ITGB1BP1: variants seen among roughly 807,000 people sequenced by gnomAD.
ITGB1BP1 encodes the protein integrin beta-1-binding protein 1.
Under a neutral mutation model 28.0 loss-of-function variants are expected in ITGB1BP1, and 20 were observed. The observed-to-expected ratio is 0.71, with a 90% CI of 0.50 to 1.04. ITGB1BP1 has a LOEUF of 1.04. ITGB1BP1 is among the 50% of genes least tolerant of loss of function. ITGB1BP1 has a pLI of 0.00. For missense variants in ITGB1BP1, 228 were observed against 242.5 expected (o/e 0.94, Z 0.40); for synonymous variants, 103 against 89.5 (o/e 1.15, Z -0.85).
Position 9,407,341 on chromosome 2 carries a change from A to G in ITGB1BP1, c.531+108T>C, listed in dbSNP as rs1349661198. The G allele has an allele frequency of 3.9e-6, 5 of 1,266,792 alleles. No individual in the cohort carries two copies. In the African/African-American group the frequency reaches 4.4e-5, roughly 11 times the overall value. 78.5% of individuals were successfully genotyped at this position (1,266,792 alleles called of 1,614,324 possible). A position where few individuals can be genotyped will look rare whatever the true frequency, so the allele number is the denominator to read the frequency against. ...AATATTCATTCACTATCCCCAGGCC[A>G]AGATATTCCATATATAATGGATTGT... is the stretch of plus-strand genomic sequence containing the variant. On this transcript the variant is annotated intron_variant, in intron 6 of 6. Coordinates refer to ENST00000355346, the MANE Select transcript of ITGB1BP1 (RefSeq NM_004763.5).
chr2:9,421,307 A>G (rs1679810655), intron 1 of ITGB1BP1, among the ~76,000 whole-genome samples: 1 of 152,198 alleles, frequency 6.6e-6, no homozygotes, highest in Admixed American at 6.5e-5. Context: ...TCTTTTCATC[A>G]TCAACCCAGC....
At chr2:9,406,971 A>G (rs1403814238) in intron 6 of ITGB1BP1, 66 bp from the exon 7 acceptor site, 2 of 1,230,420 alleles carry the variant, frequency 1.6e-6, no homozygotes, top group Non-Finnish European at 2.4e-6. Context: ...TAATTTGGCT[A>G]GCAGAGGCAC....
chr2:9,407,678 A>G (rs951420490), intron 5 of ITGB1BP1, 80 bp from the exon 6 acceptor site: 20 of 1,516,454 alleles, frequency 1.3e-5, no homozygotes, highest in Admixed American at 3.5e-5. Flanking sequence ...TCCCAGGCAG[A>G]GTGAGGCTTG....
At chr2:9,411,914 C>T (rs1558427472) in intron 4 of ITGB1BP1, among the ~76,000 whole-genome samples, 3 of 151,286 alleles carry the variant, frequency 2.0e-5, no homozygotes, top group Admixed American at 6.6e-5. Flanking sequence ...TGGTGGCGGG[C>T]GCCTGTAATC....
chr2:9,419,577 CTG>C lies in ITGB1BP1; in HGVS notation c.-35-847_-35-846del, dbSNP rs1679542719. 3.3e-5 allele frequency among the ~76,000 whole-genome samples: 5 copies of C among 152,292 alleles called. No individual in the cohort carries two copies. In the East Asian group the frequency reaches 9.6e-4, roughly 29 times the overall value. On this transcript the variant is annotated intron_variant, in intron 1 of 6. Coordinates refer to ENST00000355346, the MANE Select transcript of ITGB1BP1 (RefSeq NM_004763.5). The stretch of plus-strand genomic sequence containing the variant: ...AGGAGATGACCTTGCCTCCCAGAGT[CTG>C]TGTTACATATTTCTTTTTTTGAAAT...
In ITGB1BP1 at chr2:9,415,106, T is replaced by C. The variant is rs1340306241; in HGVS notation, c.73-850A>G. On this transcript the variant is annotated intron_variant, in intron 2 of 6. Coordinates refer to ENST00000355346, the MANE Select transcript of ITGB1BP1 (RefSeq NM_004763.5). The surrounding 1 kb of genome is among the most constrained non-coding windows in gnomAD (Gnocchi z 4.1). ...TTAAAAAAAAAAATATGGCTGGGTG[T>C]GGTGGCTCACGCCTGTAATCCCAGC... 1.3e-5 allele frequency among the ~76,000 whole-genome samples: 2 copies of C among 150,322 alleles called. No individual in the cohort carries two copies. Among genetic ancestry groups the C allele is most frequent in the Non-Finnish European group, 3.0e-5 (2 of 67,644 alleles).
intron 1 of ITGB1BP1, chr2:9,422,932 C>T: frequency 4.1e-6 from 4 of 986,050 alleles, no homozygotes; most frequent in Non-Finnish European, 4.8e-6. Context: ...GAGCCGGCTC[C>T]GAAGTTCCTC....
At chr2:9,418,558 A>T in intron 2 of ITGB1BP1, 68 bp downstream of exon 2, 1 of 1,061,074 alleles carries the variant, frequency 9.4e-7, no homozygotes, top group Non-Finnish European at 1.5e-6. Context: ...TATCCTCCAT[A>T]CAATATCAGC....
intron 2 of ITGB1BP1, among the ~76,000 whole-genome samples, chr2:9,417,507 A>C (rs56130210): frequency 0.19 from 29,349 of 150,908 alleles, 3,037 homozygotes; most frequent in Middle Eastern, 0.3. Flanking sequence ...GCAACCTTCG[A>C]CTCCTGGTTC....
intron 1 of ITGB1BP1, chr2:9,422,684 A>G: frequency 1.0e-6 from 1 of 985,570 alleles, no homozygotes; most frequent in Non-Finnish European, 1.2e-6. Flanking sequence ...CGCTTACTGA[A>G]GCCGAGAACT....
intron 1 of ITGB1BP1, chr2:9,420,040 T>A: frequency 1.0e-6 from 1 of 984,020 alleles, no homozygotes; most frequent in Non-Finnish European, 1.2e-6. Flanking sequence ...CATACAGCGG[T>A]CTGCACAGAG....
In ITGB1BP1 at chr2:9,405,553, A is replaced by G. The variant is rs1181463386; in HGVS notation, c.*1281T>C. On this transcript the variant is annotated 3_prime_UTR_variant, in exon 7 of 7. Transcript: ENST00000355346. ...GTTGCAGCACAACTGTATATATTGT[A>G]TAACCGAAATTGATTATTTTCATTG... The G allele has an allele frequency of 5.9e-5, 9 of 152,662 alleles. No homozygotes were observed. The highest frequency in any genetic ancestry group is 1.3e-4 in the Non-Finnish European group (9 of 68,052). 9.5% of individuals were successfully genotyped at this position (152,662 alleles called of 1,614,324 possible). A position where few individuals can be genotyped will look rare whatever the true frequency, so the allele number is the denominator to read the frequency against.
intron 2 of ITGB1BP1, 91 bp from the exon 3 acceptor site, chr2:9,414,347 T>G (rs1678857225): frequency 4.6e-6 from 4 of 869,110 alleles, no homozygotes; most frequent in Middle Eastern, 2.2e-4. Flanking sequence ...TTTATTAGAG[T>G]TGAGCTGACA....
chr2:9,410,960 T>C (rs1050589077), intron 4 of ITGB1BP1, among the ~76,000 whole-genome samples: 3 of 152,236 alleles, frequency 2.0e-5, no homozygotes, highest in African/African-American at 7.2e-5. Flanking sequence ...AATCTTGGTA[T>C]TGCAGTTAAT....
intron 2 of ITGB1BP1, among the ~76,000 whole-genome samples, chr2:9,417,779 C>A (rs775131318): frequency 1.3e-5 from 2 of 152,236 alleles, no homozygotes; most frequent in South Asian, 2.1e-4. Flanking sequence ...TCTCCCACCC[C>A]CTCCATTCCT....
rs1678939800 is a variant in ITGB1BP1 at position 9,415,017 on chromosome 2, GT to G, written c.73-762del. Among the ~76,000 whole-genome samples the G allele has an allele frequency of 6.6e-6, 1 of 152,300 alleles. No individual in the cohort carries two copies. The highest frequency in any genetic ancestry group is 1.9e-4 in the East Asian group (1 of 5,194). ...TCAGTACTTTGGGAGGCTGAGGCGG[GT>G]GGATCACCTGAGGACAGGAGTTCGA... On this transcript the variant is annotated intron_variant, in intron 2 of 6. Transcript: ENST00000355346. The surrounding 1 kb of genome is among the most constrained non-coding windows in gnomAD (Gnocchi z 4.1).
chr2:9,410,629 AG>A (rs1247808307), intron 4 of ITGB1BP1, among the ~76,000 whole-genome samples: 1 of 152,182 alleles, frequency 6.6e-6, no homozygotes, highest in East Asian at 1.9e-4. Context: ...TAGTAGAGAC[AG>A]GGTTTTGCCA....
chr2:9,417,728 G>T (rs1166507891), intron 2 of ITGB1BP1, among the ~76,000 whole-genome samples: 3 of 152,196 alleles, frequency 2.0e-5, no homozygotes, highest in African/African-American at 7.2e-5. Flanking sequence ...CTGAAAATAA[G>T]ACCTTTTCTA....
At chr2:9,407,304 G>T in intron 6 of ITGB1BP1, 145 bp downstream of exon 6, 3 of 890,478 alleles carry the variant, frequency 3.4e-6, no homozygotes, top group Non-Finnish European at 5.1e-6. Flanking sequence ...CCAGCCGGCT[G>T]ACCTCCGGCC....
Sources: gnomAD v4.1 joint callset for allele counts (sites outside exome capture counted in the v4.1 genomes callset) on GRCh38, gnomAD v4.1.1 for gene constraint, Gnocchi (gnomAD v3.1) non-coding constraint, MANE v1.5 for transcripts, NCBI Gene and HGNC (gene_info 2026-07-23, HGNC 2026-07-21) for gene names.